Variants in CHST1 observed in about 807,000 individuals in gnomAD.
The protein encoded by CHST1 is carbohydrate sulfotransferase 1.
CHST1 carries 10 observed loss-of-function variants against 22.5 expected under a neutral mutation model. That is an observed-to-expected ratio of 0.44 (90% CI 0.27 to 0.75). CHST1 has a LOEUF of 0.75. Ranked by LOEUF, CHST1 falls within the 30% of genes least tolerant of loss-of-function variation. The pLI, the probability that CHST1 is intolerant of heterozygous loss-of-function variation, is 0.15. For missense variants in CHST1, 439 were observed against 576.1 expected, an observed-to-expected ratio of 0.76 and a Z score of 2.44; for synonymous variants, 267 against 264.5, an observed-to-expected ratio of 1.01 and a Z score of -0.09.
rs1439004278 is a variant in CHST1 at position 45,649,789 on chromosome 11, C to T, written c.1135G>A (p.Val379Met). 2 of 1,611,934 alleles carry T rather than the reference C, an allele frequency of 1.2e-6. No homozygotes were observed. Among genetic ancestry groups the T allele is most frequent in the Non-Finnish European group, 1.7e-6 (2 of 1,179,848 alleles). ...VAFAQNACQQ[V>M]LAQLGYKIAA... ...ATCTTGTAGCCCAGCTGGGCCAGCACCTGCTGGCAGGCGTTCTGGGCAAAG... is the reference window on the plus strand; with the variant it reads ...ATCTTGTAGCCCAGCTGGGCCAGCATCTGCTGGCAGGCGTTCTGGGCAAAG... Residue 379 changes from valine to methionine, a missense_variant, in exon 4 of 4, where the codon GTG becomes ATG. Physicochemically the swap from Val to Met is conservative, Grantham distance 21 (BLOSUM62 1). Coordinates refer to ENST00000308064, the MANE Select transcript of CHST1 (RefSeq NM_003654.6).
At chr11:45,662,118 C>T (rs1234128638) in intron 1 of CHST1, among the ~76,000 whole-genome samples, 2 of 152,194 alleles carry the variant, frequency 1.3e-5, no homozygotes, top group Admixed American at 6.5e-5. Context: ...TCTGGCTGAT[C>T]AAGAGGAAGA....
In CHST1 at chr11:45,650,645, G is replaced by C. The variant is rs1851984107; in HGVS notation, c.279C>G (p.Leu93=). The part of the protein sequence containing the change: ...HLDVFYLFEP[L]YHVQNTLIPR... ...GGATGAGCGTGTTCTGGACGTGGTA[G>C]AGGGGCTCAAACAGGTAGAAGACGT... Residue 93 remains leucine, a synonymous_variant, in exon 4 of 4, where the codon CTC becomes CTG. Coordinates refer to ENST00000308064, the MANE Select transcript of CHST1 (RefSeq NM_003654.6). 6.2e-7 allele frequency: 1 copy of C among 1,614,174 alleles called. No individual in the cohort carries two copies. Among genetic ancestry groups the C allele is most frequent in the East Asian group, 2.2e-5 (1 of 44,866 alleles).
chr11:45,649,019 A>C lies in CHST1; in HGVS notation c.*669T>G, dbSNP rs897437547. 1 of 152,398 alleles carries C rather than the reference A, an allele frequency of 6.6e-6. No individual in the cohort carries two copies. The highest frequency in any genetic ancestry group is 1.5e-5 in the Non-Finnish European group (1 of 68,004). The allele number at this position is 152,398 out of a possible 1,614,324, so 9.4% of individuals were successfully genotyped here. A position where few individuals can be genotyped will look rare whatever the true frequency, so the allele number is the denominator to read the frequency against. Reference sequence around the variant, plus strand: ...GGACCCCGAGATCAATCAGAAGCTCATAAGATTCATCAGTCATCACTGGTC... The same window carrying C: ...GGACCCCGAGATCAATCAGAAGCTCCTAAGATTCATCAGTCATCACTGGTC... On this transcript the variant is annotated 3_prime_UTR_variant, in exon 4 of 4. Coordinates refer to ENST00000308064, the MANE Select transcript of CHST1 (RefSeq NM_003654.6).
chr11:45,665,180 G>A lies in CHST1; in HGVS notation c.-229C>T, dbSNP rs1852183568. On this transcript the variant is annotated splice_region_variant and 5_prime_UTR_variant, in exon 1 of 4. Coordinates refer to ENST00000308064, the MANE Select transcript of CHST1 (RefSeq NM_003654.6). The surrounding 1 kb of genome is among the most constrained non-coding windows in gnomAD (Gnocchi z 4.0). ...AGCCCGCGGGGCCCGGCCAATACCT[G>A]GTCGGGGACGCGCCGGGAGCAGCTG... 1 of 151,624 alleles carries A rather than the reference G, an allele frequency of 6.6e-6. No homozygotes were observed. The highest frequency in any genetic ancestry group is 2.1e-4 in the South Asian group (1 of 4,824). The allele number at this position is 151,624 out of a possible 1,614,324, so 9.4% of individuals were successfully genotyped here.
intron 1 of CHST1, among the ~76,000 whole-genome samples, chr11:45,653,880 G>A (rs1056638785): frequency 6.6e-6 from 1 of 152,164 alleles, no homozygotes; most frequent in African/African-American, 2.4e-5. Context: ...CTATGAAGTT[G>A]ATACTGTCAC....
chr11:45,648,652 T>A lies in CHST1; in HGVS notation c.*1036A>T, dbSNP rs569951755. On this transcript the variant is annotated 3_prime_UTR_variant, in exon 4 of 4. Coordinates refer to ENST00000308064, the MANE Select transcript of CHST1 (RefSeq NM_003654.6). Reference sequence around the variant, plus strand: ...GTTGCAGTGAGCCGAGATGGCGCCATTGCACTCCAGCCTGGGTGACAGAGC... The same window carrying A: ...GTTGCAGTGAGCCGAGATGGCGCCAATGCACTCCAGCCTGGGTGACAGAGC... 4.7e-4 allele frequency among the ~76,000 whole-genome samples: 72 copies of A among 152,082 alleles called. No homozygotes were observed. The highest frequency in any genetic ancestry group is 1.7e-3 in the African/African-American group (71 of 41,496).
chr11:45,662,392 C>A (rs1247614116), intron 1 of CHST1, among the ~76,000 whole-genome samples: 2 of 152,220 alleles, frequency 1.3e-5, no homozygotes, highest in African/African-American at 4.8e-5. Flanking sequence ...CCCAGGGCTG[C>A]CTAGCACTGT....
Position 45,650,618 on chromosome 11 carries a change from G to C in CHST1, c.306C>G (p.Pro102=), listed in dbSNP as rs773225243. Reference sequence around the variant, plus strand: ...CCGGGCTCTTGCCCTGGGTGAAGCGGGGGATGAGCGTGTTCTGGACGTGGT... The same window carrying C: ...CCGGGCTCTTGCCCTGGGTGAAGCGCGGGATGAGCGTGTTCTGGACGTGGT... ...PLYHVQNTLI[P]RFTQGKSPAD... is the part of the protein sequence containing the mutation. Residue 102 remains proline (P), a synonymous_variant, in exon 4 of 4, where the codon CCC becomes CCG. Coordinates refer to ENST00000308064, the MANE Select transcript of CHST1 (RefSeq NM_003654.6). 1.2e-6 allele frequency: 2 copies of C among 1,614,100 alleles called. No homozygotes were observed. Among genetic ancestry groups the C allele is most frequent in the Non-Finnish European group, 1.7e-6 (2 of 1,179,982 alleles).
chr11:45,650,044 T>C lies in CHST1; in HGVS notation c.880A>G (p.Lys294Glu). ...STGLMRPPWL[K>E]GKYMLVRYED... is the part of the protein sequence containing the mutation. ...TAGCGCACCAACATGTACTTGCCCT[T>C]GAGCCACGGGGGCCGCATGAGGCCG... Residue 294 changes from lysine (K) to glutamate (E), a missense_variant, in exon 4 of 4, where the codon AAG becomes GAG. Transcript: ENST00000308064. The C allele has an allele frequency of 6.2e-7, 1 of 1,614,016 alleles. No individual in the cohort carries two copies. The highest frequency in any genetic ancestry group is 8.5e-7 in the Non-Finnish European group (1 of 1,180,016).
At chr11:45,658,987 G>A (rs1052726597) in intron 1 of CHST1, among the ~76,000 whole-genome samples, 1 of 152,220 alleles carries the variant, frequency 6.6e-6, no homozygotes, top group African/African-American at 2.4e-5. Flanking sequence ...TCTCCAGCCT[G>A]GGCCACCTGC....
intron 1 of CHST1, among the ~76,000 whole-genome samples, chr11:45,660,127 T>C (rs1277934517): frequency 1.3e-5 from 2 of 152,180 alleles, no homozygotes; most frequent in African/African-American, 2.4e-5. Context: ...CCTAGCACCA[T>C]GGTATGACCC....
intron 1 of CHST1, among the ~76,000 whole-genome samples, chr11:45,657,295 G>T (rs1011755151): frequency 2.5e-5 from 3 of 119,120 alleles, no homozygotes; most frequent in African/African-American, 9.1e-5. Context: ...GGAAAATGAG[G>T]TGATGAAAAT....
intron 1 of CHST1, among the ~76,000 whole-genome samples, chr11:45,664,671 C>G (rs1205095836): frequency 6.6e-6 from 1 of 152,232 alleles, no homozygotes; most frequent in Non-Finnish European, 1.5e-5. Flanking sequence ...TCCGGCCCCA[C>G]AGGGGCCCAG....
chr11:45,649,500 T>G lies in CHST1; in HGVS notation c.*188A>C. 1.6e-6 allele frequency: 1 copy of G among 621,974 alleles called. No individual in the cohort carries two copies. Among genetic ancestry groups the G allele is most frequent in the Non-Finnish European group, 2.7e-6 (1 of 368,752 alleles). 38.5% of individuals were successfully genotyped at this position (621,974 alleles called of 1,614,324 possible). A position where few individuals can be genotyped will look rare whatever the true frequency, so the allele number is the denominator to read the frequency against. Reference sequence around the variant, plus strand: ...CTTCAGGCGCCCTCTGCCCCAGTGATTCCCGTCCAAGACGTAGTGCAAATT... The same window carrying G: ...CTTCAGGCGCCCTCTGCCCCAGTGAGTCCCGTCCAAGACGTAGTGCAAATT... On this transcript the variant is annotated 3_prime_UTR_variant, in exon 4 of 4. Transcript: ENST00000308064.
intron 1 of CHST1, among the ~76,000 whole-genome samples, chr11:45,655,477 G>A (rs1365094098): frequency 2.0e-5 from 3 of 152,220 alleles, no homozygotes; most frequent in South Asian, 2.1e-4. Flanking sequence ...TCCCGTCATC[G>A]CTGCTGTATT....
chr11:45,663,350 T>G lies in CHST1; in HGVS notation c.-227+1828A>C, dbSNP rs45584839. Among the ~76,000 whole-genome samples the G allele has an allele frequency of 5.5e-3, 840 of 152,194 alleles. 9 individuals are homozygous for G. The highest frequency in any genetic ancestry group is 0.018 in the African/African-American group (761 of 41,526). On this transcript the variant is annotated intron_variant, in intron 1 of 3. Transcript: ENST00000308064. ...CCCTTGCCCAGGAGCTAGGGCCCTG[T>G]CGGCAAGGGTTGGGGGGAGAGTGGT...
At position 45,649,466 on chromosome 11, in the gene CHST1, G is replaced by A. The variant is rs557085226; in HGVS notation, c.*222C>T. On this transcript the variant is annotated 3_prime_UTR_variant, in exon 4 of 4. Coordinates refer to ENST00000308064, the MANE Select transcript of CHST1 (RefSeq NM_003654.6). ...GTGTCTGAATGGGGGGGGGGGGGGC[G>A]GGACCCTACTTCAGGCGCCCTCTGC... is the stretch of plus-strand genomic sequence containing the variant. 3.0e-5 allele frequency: 16 copies of A among 532,664 alleles called. 2 individuals carry two copies. The South Asian group carries it at 3.9e-4, about 13-fold the overall frequency. 33.0% of individuals were successfully genotyped at this position (532,664 alleles called of 1,614,324 possible).
Position 45,649,891 on chromosome 11 carries a change from G to T in CHST1, c.1033C>A (p.His345Asn), listed in dbSNP as rs937625725. 1 of 1,611,538 alleles carries T rather than the reference G, an allele frequency of 6.2e-7. No homozygotes were observed. Among genetic ancestry groups the T allele is most frequent in the Non-Finnish European group, 8.5e-7 (1 of 1,179,994 alleles). ...NTRGDPTLGKHKYGTVRNSAA... is the reference protein window; with the variant it reads ...NTRGDPTLGKNKYGTVRNSAA... ...GAGTTTCGCACGGTGCCGTATTTGT[G>T]CTTGCCCAGGGTGGGGTCGCCCCGC... Residue 345 changes from histidine to asparagine, a missense_variant, in exon 4 of 4, where the codon CAC becomes AAC. Coordinates refer to ENST00000308064, the MANE Select transcript of CHST1 (RefSeq NM_003654.6).
intron 1 of CHST1, among the ~76,000 whole-genome samples, chr11:45,659,009 G>A (rs1010942020): frequency 1.3e-5 from 2 of 152,210 alleles, no homozygotes; most frequent in Non-Finnish European, 2.9e-5. Context: ...CATTAAGCCT[G>A]GCTGGCCCCG....
Sources: gnomAD v4.1 joint callset for allele counts (sites outside exome capture counted in the v4.1 genomes callset) on GRCh38, gnomAD v4.1.1 for gene constraint, Gnocchi (gnomAD v3.1) non-coding constraint, MANE v1.5 for transcripts, NCBI Gene and HGNC (gene_info 2026-07-23, HGNC 2026-07-21) for gene names.